Variants in ENTR1 observed in about 807,000 individuals in gnomAD.
ENTR1 encodes endosome-associated-trafficking regulator 1.
A neutral mutation model predicts 47.9 loss-of-function variants in ENTR1; 47 were observed. That is an observed-to-expected ratio of 0.98 (90% CI 0.78 to 1.25). The LOEUF is 1.25. Ranked by LOEUF, ENTR1 falls within the 50% of genes most tolerant of loss-of-function variation. ENTR1 has a pLI of 0.00. For missense variants in ENTR1, 668 were observed against 570.5 expected (o/e 1.17, Z -1.74); for synonymous variants, 290 against 245.8 (o/e 1.18, Z -1.68).
chr9:136,406,674 A>T (rs1253326345), intron 5 of ENTR1, among the ~76,000 whole-genome samples: 7 of 147,654 alleles, frequency 4.7e-5, no homozygotes, highest in Admixed American at 2.1e-4. Context: ...ACAGGGTTTC[A>T]CCATGTTGGC....
intron 5 of ENTR1, among the ~76,000 whole-genome samples, chr9:136,406,689 C>A (rs995424585): frequency 5.3e-5 from 7 of 133,302 alleles, no homozygotes; most frequent in Admixed American, 2.5e-4. Context: ...GTTGGCCAGG[C>A]TGGTCTCAAA....
At chr9:136,408,971 A>G in intron 3 of ENTR1, 28 bp downstream of exon 3, 1 of 1,601,614 alleles carries the variant, frequency 6.2e-7, no homozygotes, top group Non-Finnish European at 8.6e-7. Context: ...GATGGAGACA[A>G]GAAGAAAAGG....
Position 136,410,153 on chromosome 9 carries a change from C to A in ENTR1, c.157G>T (p.Gly53Cys), listed in dbSNP as rs1183408493. ...HGRDLDSPFF[G>C]IRPAFMCYVP... is the part of the protein sequence containing the mutation. ...TAGCACATAAAGGCCGGCCGAATGC[C>A]GAAGAAGGGGGAGTCCAGGTCCCTG... Residue 53 changes from glycine (G) to cysteine (C), a missense_variant, in exon 2 of 10, where the codon GGC (glycine) becomes TGC (cysteine). Coordinates refer to ENST00000357365, the MANE Select transcript of ENTR1 (RefSeq NM_001039707.2). 1 of 1,612,430 alleles carries A rather than the reference C, an allele frequency of 6.2e-7. No individual in the cohort carries two copies. Among genetic ancestry groups the A allele is most frequent in the East Asian group, 2.2e-5 (1 of 44,804 alleles).
At chr9:136,409,730 C>G (rs1207845705) in intron 2 of ENTR1, 1 of 379,556 alleles carries the variant, frequency 2.6e-6, no homozygotes, top group Non-Finnish European at 5.1e-6. Flanking sequence ...AGAACGAGGA[C>G]GAACCAGATC....
Position 136,410,316 on chromosome 9 carries a change from T to A in ENTR1, c.70+12A>T. The A allele has an allele frequency of 6.5e-7, 1 of 1,548,502 alleles. No homozygotes were observed. The highest frequency in any genetic ancestry group is 2.5e-5 in the East Asian group (1 of 40,794). ...CACCTGGACCGCTGGACTCGGCCCC[T>A]GCCCCGCTCACCGTCGGGAATGGCG... On this transcript the variant is annotated intron_variant, in intron 1 of 9. Transcript: ENST00000357365.
chr9:136,402,977 G>A (rs1451723831), intron 9 of ENTR1, 90 bp from the exon 10 acceptor site: 3 of 826,202 alleles, frequency 3.6e-6, no homozygotes, highest in African/African-American at 1.9e-5. Flanking sequence ...GGTTGGTAGG[G>A]GGAAAAAGGG....
chr9:136,406,069 A>G, intron 5 of ENTR1, 91 bp from the exon 6 acceptor site: 2 of 847,850 alleles, frequency 2.4e-6, no homozygotes, highest in Non-Finnish European at 3.7e-6. Flanking sequence ...GCCTCCTGAT[A>G]AGCAGAGATG....
At position 136,409,022 on chromosome 9, in the gene ENTR1, C is replaced by G. The variant is rs1019467587; in HGVS notation, c.266G>C (p.Gly89Ala). The change falls in exon 3 of 10, where the codon GGA becomes GCA. Residue 89 changes from glycine to alanine, a missense_variant. Coordinates refer to ENST00000357365, the MANE Select transcript of ENTR1 (RefSeq NM_001039707.2). ...KGKCSKQSPS[G>A]AHGTHFGDDR... Reference sequence around the variant, plus strand: ...ACCTCCAAAATGTGTCCCGTGGGCTCCTGACGGGCTCTGCTTAGAACATTT... The same window carrying G: ...ACCTCCAAAATGTGTCCCGTGGGCTGCTGACGGGCTCTGCTTAGAACATTT... The G allele has an allele frequency of 1.5e-5, 25 of 1,613,872 alleles. No individual in the cohort carries two copies. Among genetic ancestry groups the G allele is most frequent in the Non-Finnish European group, 1.7e-6 (2 of 1,179,990 alleles).
At chr9:136,402,961 G>C in intron 9 of ENTR1, 74 bp from the exon 10 acceptor site, 1 of 1,118,828 alleles carries the variant, frequency 8.9e-7, no homozygotes, top group East Asian at 2.5e-5. Context: ...GGGGAGAAAG[G>C]GGAGGGGTTG....
chr9:136,406,048 G>A, intron 5 of ENTR1, 70 bp from the exon 6 acceptor site: 1 of 1,136,680 alleles, frequency 8.8e-7, no homozygotes. Flanking sequence ...CTTCTGCGGT[G>A]TGGCTCCAGA....
At chr9:136,409,970 GGCACGCAGTGAGCGCTCT>G (rs1432369070) in intron 2 of ENTR1, 102 bp downstream of exon 2, 2 of 1,246,606 alleles carry the variant, frequency 1.6e-6, no homozygotes, top group Non-Finnish European at 2.3e-6. Flanking sequence ...CCGAGTGCCT[GGCACGCAGTGAGCGCTCT>G]GCACATTGAT....
At position 136,410,479 on chromosome 9, in the gene ENTR1, GCGTCGCCCGCCCC is replaced by G. The variant is rs1185685667; in HGVS notation, c.-95_-83del. On this transcript the variant is annotated 5_prime_UTR_variant, in exon 1 of 10. Coordinates refer to ENST00000357365, the MANE Select transcript of ENTR1 (RefSeq NM_001039707.2). ...CCCGGCTCCGCCCGTGCCGCGGCCCGCGTCGCCCGCCCCCGTCGCCCGCCCCCGTCGCCCGCCG... is the reference window on the plus strand; with the variant it reads ...CCCGGCTCCGCCCGTGCCGCGGCCCGCGTCGCCCGCCCCCGTCGCCCGCCG... 2.2e-3 allele frequency: 2,159 copies of G among 976,098 alleles called. 9 individuals are homozygous for G. The highest frequency in any genetic ancestry group is 8.5e-3 in the East Asian group (103 of 12,080). 60.5% of individuals were successfully genotyped at this position (976,098 alleles called of 1,614,324 possible).
At chr9:136,408,384 C>G (rs565636040) in intron 3 of ENTR1, among the ~76,000 whole-genome samples, 1 of 152,094 alleles carries the variant, frequency 6.6e-6, no homozygotes, top group South Asian at 2.1e-4. Flanking sequence ...TGAGACCATC[C>G]TGGCTAACAC....
chr9:136,407,815 C>T lies in ENTR1; in HGVS notation c.402+11G>A, dbSNP rs764500760. 6.3e-6 allele frequency: 10 copies of T among 1,584,014 alleles called. No individual in the cohort carries two copies. The Admixed American group carries it at 8.3e-5, about 13-fold the overall frequency. ...CCCACAGAGCCATCGCCCACAGTGCCGTGGATTTACCTTTGCATAAATTCT... is the reference window on the plus strand; with the variant it reads ...CCCACAGAGCCATCGCCCACAGTGCTGTGGATTTACCTTTGCATAAATTCT... On this transcript the variant is annotated intron_variant, in intron 4 of 9. Transcript: ENST00000357365.
rs767389350 is a variant in ENTR1, at chr9:136,405,903, A to G, written c.893+2T>C. ...TGCATTCCTAACTAAAAGCTTACATACATTTCTGTTTGAGCTTCAGAGAAG... is the reference window on the plus strand; with the variant it reads ...TGCATTCCTAACTAAAAGCTTACATGCATTTCTGTTTGAGCTTCAGAGAAG... On this transcript the variant is annotated splice_donor_variant, in intron 6 of 9. Coordinates refer to ENST00000357365, the MANE Select transcript of ENTR1 (RefSeq NM_001039707.2). LOFTEE classifies it high-confidence loss of function. 2 of 1,580,454 alleles carry G rather than the reference A, an allele frequency of 1.3e-6. No individual in the cohort carries two copies. The highest frequency in any genetic ancestry group is 1.7e-6 in the Non-Finnish European group (2 of 1,161,438).
At chr9:136,404,860 A>C (rs1564406452) in intron 7 of ENTR1, 167 bp from the exon 8 acceptor site, 5 of 711,334 alleles carry the variant, frequency 7.0e-6, no homozygotes. Context: ...CACCCCTGGG[A>C]AGGGCTCATC....
chr9:136,405,863 T>A (rs563364395), intron 6 of ENTR1, 42 bp downstream of exon 6: 1 of 1,224,074 alleles, frequency 8.2e-7, no homozygotes, highest in African/African-American at 1.5e-5. Context: ...TCCCTGTGTA[T>A]TAGATGTTGT....
At position 136,409,011 on chromosome 9, in the gene ENTR1, T is replaced by C. The variant is rs771464815; in HGVS notation, c.277A>G (p.Thr93Ala). The C allele has an allele frequency of 2.1e-5, 34 of 1,613,760 alleles. No individual in the cohort carries two copies. The highest frequency in any genetic ancestry group is 2.9e-5 in the Non-Finnish European group (34 of 1,179,932). The change falls in exon 3 of 10, where the codon ACA (threonine) becomes GCA (alanine). Residue 93 changes from threonine (T) to alanine (A), a missense_variant. Thr to Ala is a moderately conservative substitution (Grantham distance 58). Coordinates refer to ENST00000357365, the MANE Select transcript of ENTR1 (RefSeq NM_001039707.2). ...SKQSPSGAHG[T>A]HFGDDRFEDL... ...TGAACTACTCTACCTCCAAAATGTG[T>C]CCCGTGGGCTCCTGACGGGCTCTGC... is the stretch of plus-strand genomic sequence containing the variant.
In ENTR1 at chr9:136,402,722, T is replaced by A. The variant is rs886351639; in HGVS notation, c.*66A>T. ...GCATATTTAAGGACACAACTGCACA[T>A]TTAGATCGAGCGGTGGTGACCTCAG... On this transcript the variant is annotated 3_prime_UTR_variant, in exon 10 of 10. Transcript: ENST00000357365. 5 of 1,074,314 alleles carry A rather than the reference T, an allele frequency of 4.7e-6. No individual in the cohort carries two copies. In the African/African-American group the frequency reaches 7.8e-5, roughly 17 times the overall value. 66.5% of individuals were successfully genotyped at this position (1,074,314 alleles called of 1,614,324 possible).
Sources: allele counts gnomAD v4.1 joint callset (sites outside exome capture counted in the v4.1 genomes callset), GRCh38; gene constraint gnomAD v4.1.1; transcripts MANE v1.5; gene names NCBI Gene and HGNC (gene_info 2026-07-23, HGNC 2026-07-21).